Variants in PTPRH observed in about 807,000 individuals in gnomAD.
PTPRH encodes the protein protein tyrosine phosphatase receptor type H.
PTPRH carries 113 observed loss-of-function variants against 130.2 expected under a neutral mutation model. The observed-to-expected ratio is 0.87, with a 90% CI of 0.75 to 1.01. PTPRH has a LOEUF of 1.01. PTPRH is among the 50% of genes least tolerant of loss of function. PTPRH has a pLI of 0.00. For synonymous variants in PTPRH, 556 were observed against 577.9 expected, an observed-to-expected ratio of 0.96 and a Z score of 0.54; for missense variants, 1,430 against 1,425.0, an observed-to-expected ratio of 1.00 and a Z score of -0.06.
intron 14 of PTPRH, among the ~76,000 whole-genome samples, chr19:55,186,975 G>A (rs1367235033): frequency 6.6e-6 from 1 of 151,360 alleles, no homozygotes; most frequent in Non-Finnish European, 1.5e-5. Flanking sequence ...AACCCGAGAG[G>A]TGGAGGTTGC....
chr19:55,186,173 GT>G, intron 16 of PTPRH, 51 bp downstream of exon 16: 4 of 1,580,290 alleles, frequency 2.5e-6, no homozygotes, highest in Non-Finnish European at 3.4e-6. Context: ...TTGGATGAGT[GT>G]TCGGGGCGGG....
In PTPRH at chr19:55,205,588, G is replaced by A; in HGVS notation, c.357C>T (p.Pro119=). 1 of 1,614,084 alleles carries A rather than the reference G, an allele frequency of 6.2e-7. No homozygotes were observed. Among genetic ancestry groups the A allele is most frequent in the Non-Finnish European group, 8.5e-7 (1 of 1,179,946 alleles). The change falls in exon 4 of 20, where the codon CCC becomes CCT. Residue 119 remains proline, a synonymous_variant. Transcript: ENST00000376350. ...CCACTCTCAGGTTCCTCACTGGGTT[G>A]GGAGCTGAAAACCAGCACAGGAGGG... is the stretch of plus-strand genomic sequence containing the variant. ...SVGTVTTATA[P]NPVRNLRVEA...
rs543788005 is a variant in PTPRH at position 55,203,355 on chromosome 19, A to G, written c.886+427T>C. Among the ~76,000 whole-genome samples, 4 of 148,372 alleles carry G rather than the reference A, an allele frequency of 2.7e-5. No homozygotes were observed. In the East Asian group the frequency reaches 8.0e-4, roughly 30 times the overall value. ...AAAAAAAAAAAAAAAATTGTATCTG[A>G]TGGGCTACATAAAATATCTCATAGT... On this transcript the variant is annotated intron_variant, in intron 5 of 19. Transcript: ENST00000376350.
chr19:55,182,775 AT>A (rs1265237926), intron 18 of PTPRH, among the ~76,000 whole-genome samples: 1 of 152,068 alleles, frequency 6.6e-6, no homozygotes, highest in Admixed American at 6.5e-5. Flanking sequence ...TCATTTAGTA[AT>A]TCCTTTAAAC....
chr19:55,183,659 G>A (rs1188759719), intron 18 of PTPRH, among the ~76,000 whole-genome samples: 1 of 152,086 alleles, frequency 6.6e-6, no homozygotes, highest in African/African-American at 2.4e-5. Context: ...GGGAGGTGGA[G>A]GTTGCAGTGA....
intron 14 of PTPRH, among the ~76,000 whole-genome samples, chr19:55,187,128 A>G (rs2886444): frequency 0.1 from 15,191 of 150,800 alleles, 815 homozygotes; most frequent in Middle Eastern, 0.17. Context: ...GGCAGATCAC[A>G]AGGTCAGGAG....
At chr19:55,200,176 C>G (rs2086812730) in intron 7 of PTPRH, 60 bp downstream of exon 7, 2 of 1,583,360 alleles carry the variant, frequency 1.3e-6, no homozygotes, top group Admixed American at 1.7e-5. Flanking sequence ...AGGTGCCACG[C>G]CGCTCCTGCT....
intron 14 of PTPRH, among the ~76,000 whole-genome samples, chr19:55,187,156 T>C (rs566947378): frequency 9.4e-5 from 14 of 148,948 alleles, no homozygotes; most frequent in Admixed American, 4.0e-4. Context: ...CCATCCTGGC[T>C]AACACGGTGA....
chr19:55,203,674 CTG>C (rs2086945118), intron 5 of PTPRH, 106 bp downstream of exon 5: 16 of 1,322,994 alleles, frequency 1.2e-5, no homozygotes, highest in Non-Finnish European at 1.6e-5. Flanking sequence ...GTGGCTTCCA[CTG>C]TGTTTCTATT....
At chr19:55,207,047 A>G in intron 2 of PTPRH, 92 bp from the exon 3 acceptor site, 1 of 1,555,964 alleles carries the variant, frequency 6.4e-7, no homozygotes. Flanking sequence ...TCCAGAAACA[A>G]CGGCGCTCAT....
Position 55,202,175 on chromosome 19 carries a change from C to G in PTPRH, c.1034G>C (p.Ser345Thr). 1 of 1,614,196 alleles carries G rather than the reference C, an allele frequency of 6.2e-7. No homozygotes were observed. Among genetic ancestry groups the G allele is most frequent in the South Asian group, 1.1e-5 (1 of 91,080 alleles). The change falls in exon 6 of 20, where the codon AGC becomes ACC. Residue 345 changes from serine to threonine, a missense_variant. By Grantham distance (58) the Ser-to-Thr change is moderately conservative. Coordinates refer to ENST00000376350, the MANE Select transcript of PTPRH (RefSeq NM_002842.5). ...TGDGGRAGTR[S>T]TAHTNITVDR... ...CACGGTGATGTTGGTGTGTGCTGTG[C>G]TTCGAGTCCCTGCTCTGCCACCATC...
At chr19:55,185,464 G>T (rs771874531) in intron 18 of PTPRH, 38 bp downstream of exon 18, 97 of 1,605,996 alleles carry the variant, frequency 6.0e-5, no homozygotes, top group Non-Finnish European at 8.2e-5. Context: ...CCAAGGGAGC[G>T]GTTCTCTCAA....
chr19:55,197,104 A>C lies in PTPRH; in HGVS notation c.1990+13T>G, dbSNP rs768856609. On this transcript the variant is annotated intron_variant, in intron 9 of 19. Coordinates refer to ENST00000376350, the MANE Select transcript of PTPRH (RefSeq NM_002842.5). ...CCCAGTTCACCACTTGAAGGCAGGA[A>C]GGGGATTCTCACATGTGGACGCACA... The C allele has an allele frequency of 3.1e-6, 5 of 1,611,930 alleles. No individual in the cohort carries two copies. Among genetic ancestry groups the C allele is most frequent in the Non-Finnish European group, 4.2e-6 (5 of 1,178,152 alleles).
chr19:55,197,332 T>G lies in PTPRH; in HGVS notation c.1775A>C (p.His592Pro), dbSNP rs2122128924. The change falls in exon 9 of 20, where the codon CAC (histidine) becomes CCC (proline). Residue 592 changes from histidine to proline, a missense_variant. Coordinates refer to ENST00000376350, the MANE Select transcript of PTPRH (RefSeq NM_002842.5). ...MLWWKAPGDP[H>P]SQLYVYWVQW... ...GACCCAGTATACGTACAACTGAGAGTGGGGGTCTCCAGGGGCCTTCCACCA... is the reference window on the plus strand; with the variant it reads ...GACCCAGTATACGTACAACTGAGAGGGGGGGTCTCCAGGGGCCTTCCACCA... 1 of 1,614,128 alleles carries G rather than the reference T, an allele frequency of 6.2e-7. No individual in the cohort carries two copies. The highest frequency in any genetic ancestry group is 1.3e-5 in the African/African-American group (1 of 75,024).
intron 8 of PTPRH, 102 bp downstream of exon 8, chr19:55,198,541 G>T: frequency 7.9e-7 from 1 of 1,261,636 alleles, no homozygotes; most frequent in Non-Finnish European, 1.1e-6. Context: ...GGCTGGAGAG[G>T]CCCATGGGTA....
At position 55,181,991 on chromosome 19, in the gene PTPRH, C is replaced by T. The variant is rs751324941; in HGVS notation, c.3198+25G>A. On this transcript the variant is annotated intron_variant, in intron 19 of 19. Transcript: ENST00000376350. ...GTCCCTCGTCCCACTGCCTCCCGTCCTGTGTTGCTGAGGGACTGCCTCACC... is the reference window on the plus strand; with the variant it reads ...GTCCCTCGTCCCACTGCCTCCCGTCTTGTGTTGCTGAGGGACTGCCTCACC... 13 of 1,613,946 alleles carry T rather than the reference C, an allele frequency of 8.1e-6. No homozygotes were observed. The East Asian group carries it at 2.7e-4, about 33-fold the overall frequency.
At chr19:55,197,480 G>A in intron 8 of PTPRH, 64 bp from the exon 9 acceptor site, 1 of 1,454,362 alleles carries the variant, frequency 6.9e-7, no homozygotes. Flanking sequence ...CAGCCTGTCT[G>A]CCTCTCCCCC....
chr19:55,186,134 AT>A, intron 16 of PTPRH, 90 bp downstream of exon 16: 3 of 1,568,960 alleles, frequency 1.9e-6, no homozygotes, highest in Non-Finnish European at 2.6e-6. Context: ...CCCTGGAGGA[AT>A]CCGTAAGGTC....
At chr19:55,183,892 C>T (rs2086246697) in intron 18 of PTPRH, among the ~76,000 whole-genome samples, 2 of 152,202 alleles carry the variant, frequency 1.3e-5, no homozygotes, top group Non-Finnish European at 1.5e-5. Flanking sequence ...CTGGAAGCTA[C>T]TAATCTCTTC....
Sources: allele counts gnomAD v4.1 joint callset (sites outside exome capture counted in the v4.1 genomes callset), GRCh38; gene constraint gnomAD v4.1.1; transcripts MANE v1.5; gene names NCBI Gene and HGNC (gene_info 2026-07-23, HGNC 2026-07-21).